YLPM1: variants seen among roughly 807,000 people sequenced by gnomAD.
The protein encoded by YLPM1 is YLP motif-containing protein 1.
In YLPM1, 99 loss-of-function variants were observed where a neutral mutation model predicts 230.0. The observed-to-expected ratio is 0.43, with a 90% CI of 0.37 to 0.51. The LOEUF (loss-of-function observed/expected upper bound fraction) is 0.51. YLPM1 is among the 20% of genes least tolerant of loss of function. The probability of loss-of-function intolerance (pLI) is 0.00; values close to 1 mark genes in which losing one functional copy is unlikely to be tolerated. For missense variants in YLPM1, 2,592 were observed against 2,707.7 expected (o/e 0.96, Z 0.95); for synonymous variants, 984 against 942.5 (o/e 1.04, Z -0.81).
At chr14:74,824,347 G>A in intron 18 of YLPM1, 40 bp downstream of exon 18, 1 of 1,586,022 alleles carries the variant, frequency 6.3e-7, no homozygotes. Context: ...TGTGATACCT[G>A]ATGGTAATGG....
In YLPM1 at chr14:74,781,726, C is replaced by A. The variant is rs541092281; in HGVS notation, c.1683C>A (p.Pro561=). Residue 561 remains proline, a synonymous_variant, in exon 4 of 21, where the codon CCC becomes CCA. Coordinates refer to ENST00000325680, the MANE Select transcript of YLPM1 (RefSeq NM_019589.3). Reference sequence around the variant, plus strand: ...CTACAGTGCCACCACCTGGCATGCCCCCACCTGTTATGCCACCTTCTCTAC... The same window carrying A: ...CTACAGTGCCACCACCTGGCATGCCACCACCTGTTATGCCACCTTCTCTAC... ...LPATVPPPGM[P]PPVMPPSLPT... 1 of 1,612,594 alleles carries A rather than the reference C, an allele frequency of 6.2e-7. No homozygotes were observed.
intron 1 of YLPM1, among the ~76,000 whole-genome samples, chr14:74,772,065 A>G (rs948954107): frequency 6.6e-6 from 1 of 152,206 alleles, no homozygotes; most frequent in Non-Finnish European, 1.5e-5. Context: ...CTGGATAGGG[A>G]AGGTAATCTT....
At chr14:74,806,106 C>T (rs1273992728) in intron 6 of YLPM1, among the ~76,000 whole-genome samples, 1 of 151,216 alleles carries the variant, frequency 6.6e-6, no homozygotes. Context: ...CCTGCAATGC[C>T]AGCACTTTGG....
intron 4 of YLPM1, among the ~76,000 whole-genome samples, chr14:74,789,540 A>T (rs1032759791): frequency 1.3e-5 from 2 of 151,714 alleles, no homozygotes; most frequent in Non-Finnish European, 2.9e-5. Flanking sequence ...ATAAAGGGCC[A>T]GGTGGTAAAT....
chr14:74,763,591 C>G lies in YLPM1; in HGVS notation c.102C>G (p.Pro34=). 4 of 1,588,990 alleles carry G rather than the reference C, an allele frequency of 2.5e-6. No homozygotes were observed. Among genetic ancestry groups the G allele is most frequent in the Non-Finnish European group, 1.7e-6 (2 of 1,166,528 alleles). ...CGCTTCCTGAGGCCTCGCCGGGGCC[C>G]GGGTACTCGAGCTCGACGACTCCCG... The part of the protein sequence containing the change: ...PVALPEASPG[P]GYSSSTTPAA... The change falls in exon 1 of 21, where the codon CCC becomes CCG. Residue 34 remains proline (P), a synonymous_variant. Coordinates refer to ENST00000325680, the MANE Select transcript of YLPM1 (RefSeq NM_019589.3).
intron 2 of YLPM1, among the ~76,000 whole-genome samples, chr14:74,779,989 A>T (rs985624179): frequency 1.3e-5 from 2 of 152,068 alleles, no homozygotes; most frequent in African/African-American, 4.8e-5. Flanking sequence ...TTTTTAGTAG[A>T]GACGGGGTTT....
chr14:74,808,306 C>G (rs1047056287), intron 6 of YLPM1, among the ~76,000 whole-genome samples: 2 of 152,118 alleles, frequency 1.3e-5, no homozygotes, highest in Non-Finnish European at 2.9e-5. Flanking sequence ...TACTTCATTT[C>G]TTTTTACTGC....
intron 11 of YLPM1, among the ~76,000 whole-genome samples, chr14:74,815,803 T>A (rs2091473940): frequency 6.6e-6 from 1 of 152,172 alleles, no homozygotes; most frequent in Non-Finnish European, 1.5e-5. Context: ...CAATTTCCTT[T>A]TAAGCACTGC....
At chr14:74,831,189 ATTTC>A (rs901258261) in intron 19 of YLPM1, among the ~76,000 whole-genome samples, 3 of 152,164 alleles carry the variant, frequency 2.0e-5, no homozygotes, top group South Asian at 2.1e-4. Flanking sequence ...ATTTCTTTGT[ATTTC>A]TTTCTTAACG....
chr14:74,817,864 G>C (rs2091491513), intron 15 of YLPM1, among the ~76,000 whole-genome samples: 1 of 151,854 alleles, frequency 6.6e-6, no homozygotes, highest in African/African-American at 2.4e-5. Context: ...AGACCAACCT[G>C]GGCAACATGG....
At chr14:74,827,767 G>A in intron 18 of YLPM1, 1 of 985,346 alleles carries the variant, frequency 1.0e-6, no homozygotes, top group African/African-American at 1.7e-5. Context: ...CAGTTTTATT[G>A]TTTGTGGGAC....
At chr14:74,801,621 T>C (rs1426769404) in intron 5 of YLPM1, among the ~76,000 whole-genome samples, 2 of 152,172 alleles carry the variant, frequency 1.3e-5, no homozygotes, top group Non-Finnish European at 2.9e-5. Context: ...AAGAATCAGA[T>C]AACAAAAATG....
chr14:74,783,301 T>A (rs966116115), intron 4 of YLPM1, among the ~76,000 whole-genome samples: 4 of 152,134 alleles, frequency 2.6e-5, no homozygotes, highest in Admixed American at 1.3e-4. Flanking sequence ...ACTCCTGGGC[T>A]CAAGCGATCC....
intron 4 of YLPM1, among the ~76,000 whole-genome samples, chr14:74,796,550 ATTATCT>A (rs1238275569): frequency 6.6e-6 from 1 of 152,136 alleles, no homozygotes; most frequent in Non-Finnish European, 1.5e-5. Context: ...TTACACTTAG[ATTATCT>A]TTATATTTTG....
At position 74,798,711 on chromosome 14, in the gene YLPM1, A is replaced by T; in HGVS notation, c.3414A>T (p.Arg1138Ser). 1.2e-6 allele frequency: 2 copies of T among 1,612,154 alleles called. No individual in the cohort carries two copies. The highest frequency in any genetic ancestry group is 8.5e-7 in the Non-Finnish European group (1 of 1,178,744). Residue 1138 changes from arginine to serine, a missense_variant, in exon 5 of 21, where the codon AGA becomes AGT. Physicochemically the swap from Arg to Ser is moderately radical, Grantham distance 110. This residue lies in a region of YLPM1 where 1,862 missense variants were observed against 1,819.8 expected (regional missense o/e 1.02). Coordinates refer to ENST00000325680, the MANE Select transcript of YLPM1 (RefSeq NM_019589.3). ...AGSRERIPPRRAGSRERGPPR... is the reference protein window; with the variant it reads ...AGSRERIPPRSAGSRERGPPR... ...GTAGAGAGAGAATACCACCCCGAAG[A>T]GCTGGGAGCAGGGAGAGAGGACCAC...
In YLPM1 at chr14:74,797,778, C is replaced by T; in HGVS notation, c.2481C>T (p.Ser827=). 1.2e-6 allele frequency: 2 copies of T among 1,613,876 alleles called. No individual in the cohort carries two copies. Among genetic ancestry groups the T allele is most frequent in the Non-Finnish European group, 1.7e-6 (2 of 1,179,862 alleles). The change falls in exon 5 of 21, where the codon TCC becomes TCT. Residue 827 remains serine, a synonymous_variant. Coordinates refer to ENST00000325680, the MANE Select transcript of YLPM1 (RefSeq NM_019589.3). ...AATTTTATATTACCCCCAGTACATC[C>T]CTAAGTCCTCGACAGAGTGGACCAC... The part of the protein sequence containing the change: ...ASQFYITPST[S]LSPRQSGPQW...
At chr14:74,784,754 T>A (rs1271807547) in intron 4 of YLPM1, among the ~76,000 whole-genome samples, 1 of 152,264 alleles carries the variant, frequency 6.6e-6, no homozygotes, top group African/African-American at 2.4e-5. Flanking sequence ...TTCTACAGCA[T>A]GTCACTACAG....
intron 4 of YLPM1, among the ~76,000 whole-genome samples, chr14:74,796,323 G>A (rs1462804734): frequency 1.3e-5 from 2 of 152,030 alleles, no homozygotes; most frequent in Non-Finnish European, 1.5e-5. Flanking sequence ...TAAACTATTT[G>A]CACTTCCAAA....
In YLPM1 at chr14:74,837,287, A is replaced by G. The variant is rs184719289; in HGVS notation, c.*1549A>G. 7.1e-4 allele frequency: 108 copies of G among 152,344 alleles called. No individual in the cohort carries two copies. Among genetic ancestry groups the G allele is most frequent in the African/African-American group, 2.5e-3 (105 of 41,578 alleles). The allele number at this position is 152,344 out of a possible 1,614,324, so 9.4% of individuals were successfully genotyped here. On this transcript the variant is annotated 3_prime_UTR_variant, in exon 21 of 21. Transcript: ENST00000325680. ...CAATATTGAATGTATAAATTGCTAC[A>G]TTAAATAACTTCTGCTGTTTGTAGT...
Sources: allele counts gnomAD v4.1 joint callset (sites outside exome capture counted in the v4.1 genomes callset), GRCh38; gene constraint gnomAD v4.1.1; regional missense constraint gnomAD v4.1.1; transcripts MANE v1.5; gene names NCBI Gene and HGNC (gene_info 2026-07-23, HGNC 2026-07-21).